CCR5AS: variants seen among roughly 807,000 people sequenced by gnomAD.
CCR5AS encodes CCR5 antisense RNA.
At chr3:46,397,744 A>G (rs1381652778) in intron 1 of CCR5AS, among the ~76,000 whole-genome samples, 1 of 152,252 alleles carries the variant, frequency 6.6e-6, no homozygotes, top group Non-Finnish European at 1.5e-5. Context: ...ATCCCCCAGA[A>G]TAAAGCTGGG....
At position 46,373,094 on chromosome 3, in the gene CCR5AS, G is replaced by A. The variant is rs750002181; in HGVS notation, n.392-1677C>T. On this transcript the variant is annotated intron_variant and non_coding_transcript_variant, in intron 2 of 3. Coordinates refer to ENST00000451485, the Ensembl canonical transcript of CCR5AS. ...TAAACTGCAAAAGGCTGAAGAGCAT[G>A]ACTGACATCTACCTGCTCAACCTGG... The A allele has an allele frequency of 2.1e-5, 34 of 1,614,040 alleles. 1 individual carries two copies. In the Middle Eastern group the frequency reaches 8.2e-4, roughly 39 times the overall value.
chr3:46,366,351 T>A (rs1040500704), intron 3 of CCR5AS, among the ~76,000 whole-genome samples: 11 of 152,212 alleles, frequency 7.2e-5, no homozygotes, highest in African/African-American at 2.4e-4. Flanking sequence ...CCAGGTATGA[T>A]CTGACTCACT....
chr3:46,369,119 G>T (rs1295610334), intron 3 of CCR5AS, among the ~76,000 whole-genome samples: 1 of 152,060 alleles, frequency 6.6e-6, no homozygotes. Context: ...TCCCCCGAGG[G>T]TGGGTGCCCA....
intron 2 of CCR5AS, among the ~76,000 whole-genome samples, chr3:46,379,346 T>A (rs1701792738): frequency 6.6e-6 from 1 of 152,038 alleles, no homozygotes; most frequent in South Asian, 2.1e-4. Context: ...ACAAAGGACA[T>A]GAACATAGCA....
intron 1 of CCR5AS, among the ~76,000 whole-genome samples, chr3:46,396,968 A>T (rs1410838246): frequency 6.6e-6 from 1 of 152,178 alleles, no homozygotes; most frequent in Non-Finnish European, 1.5e-5. Context: ...ATAAAATGTC[A>T]CCACCTTGAA....
At chr3:46,373,608 C>A (rs758937078) in intron 2 of CCR5AS, 1 of 1,613,998 alleles carries the variant, frequency 6.2e-7, no homozygotes, top group South Asian at 1.1e-5. Flanking sequence ...GGCTGTGAGG[C>A]TTATCTTCAC....
At chr3:46,365,368 C>T (rs1429438678) in intron 3 of CCR5AS, among the ~76,000 whole-genome samples, 1 of 152,150 alleles carries the variant, frequency 6.6e-6, no homozygotes, top group Non-Finnish European at 1.5e-5. Flanking sequence ...TTGCTGAAGG[C>T]TCAGATGATG....
Position 46,381,667 on chromosome 3 carries a change from G to C in CCR5AS, n.392-10250C>G, listed in dbSNP as rs541774916. 1.6e-3 allele frequency among the ~76,000 whole-genome samples: 237 copies of C among 152,306 alleles called. 1 individual carries two copies. Among genetic ancestry groups the C allele is most frequent in the South Asian group, 3.1e-3 (15 of 4,820 alleles). On this transcript the variant is annotated intron_variant and non_coding_transcript_variant, in intron 2 of 3. Transcript: ENST00000451485. ...TAAAATTCCTCTACTTAGGTTTACTGCCATTACCAAAGACTATTCAAAAAT... is the reference window on the plus strand; with the variant it reads ...TAAAATTCCTCTACTTAGGTTTACTCCCATTACCAAAGACTATTCAAAAAT...
chr3:46,386,157 C>T (rs1250515393), intron 2 of CCR5AS, among the ~76,000 whole-genome samples: 11 of 152,064 alleles, frequency 7.2e-5, no homozygotes, highest in African/African-American at 2.7e-4. Context: ...CTCAGGTGAT[C>T]AGCCTGCCTC....
chr3:46,393,415 G>A (rs1701932195), intron 1 of CCR5AS, among the ~76,000 whole-genome samples: 1 of 139,624 alleles, frequency 7.2e-6, no homozygotes, highest in African/African-American at 2.7e-5. Context: ...TTGCTGCAGT[G>A]AGCCAAGATC....
chr3:46,397,897 G>T (rs1701974689), intron 1 of CCR5AS, among the ~76,000 whole-genome samples: 1 of 152,186 alleles, frequency 6.6e-6, no homozygotes, highest in Admixed American at 6.5e-5. Flanking sequence ...GATCATTTCG[G>T]TCACTGTCTG....
chr3:46,389,850 A>G (rs1251336455), intron 2 of CCR5AS, among the ~76,000 whole-genome samples: 1 of 152,064 alleles, frequency 6.6e-6, no homozygotes, highest in Non-Finnish European at 1.5e-5. Context: ...GGGGTCTGGG[A>G]GATTAACTGA....
At chr3:46,384,496 G>T (rs1226734617) in intron 2 of CCR5AS, among the ~76,000 whole-genome samples, 2 of 152,180 alleles carry the variant, frequency 1.3e-5, no homozygotes, top group Non-Finnish European at 2.9e-5. Context: ...CTCTTTGCTA[G>T]AAAAGAAATG....
chr3:46,391,281 G>A (rs1320466340), intron 2 of CCR5AS, among the ~76,000 whole-genome samples: 1 of 152,182 alleles, frequency 6.6e-6, no homozygotes, highest in Non-Finnish European at 1.5e-5. Flanking sequence ...CTGGAGATGT[G>A]GCTGGGGTTT....
intron 2 of CCR5AS, among the ~76,000 whole-genome samples, chr3:46,376,596 TG>T (rs1449828164): frequency 6.6e-6 from 1 of 152,232 alleles, no homozygotes; most frequent in African/African-American, 2.4e-5. Context: ...TGCAACGTCA[TG>T]GCCTGGTCAC....
At chr3:46,373,766 G>A (rs372879037) in intron 2 of CCR5AS, 47 of 1,613,436 alleles carry the variant, frequency 2.9e-5, no homozygotes, top group East Asian at 2.9e-4. Flanking sequence ...TTGGGATGAC[G>A]CACTGCTGCA....
At chr3:46,365,950 G>T (rs1179557508) in intron 3 of CCR5AS, among the ~76,000 whole-genome samples, 1 of 152,152 alleles carries the variant, frequency 6.6e-6, no homozygotes, top group Non-Finnish European at 1.5e-5. Flanking sequence ...TGCCCAGTGG[G>T]GGCCCCACCC....
At chr3:46,398,780 A>G (rs1440466809) in intron 1 of CCR5AS, among the ~76,000 whole-genome samples, 1 of 152,020 alleles carries the variant, frequency 6.6e-6, no homozygotes, top group Non-Finnish European at 1.5e-5. Context: ...CTTTCTAGGA[A>G]TGCATATTCA....
chr3:46,374,021 C>A, intron 2 of CCR5AS: 1 of 1,301,880 alleles, frequency 7.7e-7, no homozygotes, highest in Non-Finnish European at 1.1e-6. Flanking sequence ...AGTTTTCATA[C>A]ACAGCCTGGG....
Sources: allele counts gnomAD v4.1 joint callset (sites outside exome capture counted in the v4.1 genomes callset), GRCh38; gene constraint gnomAD v4.1.1; transcripts MANE v1.5; gene names NCBI Gene and HGNC (gene_info 2026-07-23, HGNC 2026-07-21).